Variants in ATP2A1 observed in about 807,000 individuals in gnomAD.
The protein encoded by ATP2A1 is ATPase sarcoplasmic/endoplasmic reticulum Ca2+ transporting 1.
ATP2A1 carries 83 observed loss-of-function variants against 109.5 expected under a neutral mutation model. That is an observed-to-expected ratio of 0.76 (90% confidence interval 0.63 to 0.91). The LOEUF is 0.91. ATP2A1 is among the 40% of genes least tolerant of loss of function. The pLI is 0.00. For synonymous variants in ATP2A1, 505 were observed against 537.6 expected, an observed-to-expected ratio of 0.94 and a Z score of 0.84; for missense variants, 1,101 against 1,341.0, an observed-to-expected ratio of 0.82 and a Z score of 2.80.
chr16:28,886,131 G>A (rs8056890), intron 6 of ATP2A1, among the ~76,000 whole-genome samples: 47,650 of 151,556 alleles, frequency 0.31, 8,048 homozygotes, highest in Admixed American at 0.39. Flanking sequence ...TGATTACCAC[G>A]GCAGTCCAGC....
chr16:28,900,492 T>A, intron 14 of ATP2A1, 89 bp from the exon 15 acceptor site: 1 of 1,219,766 alleles, frequency 8.2e-7, no homozygotes, highest in Non-Finnish European at 1.1e-6. Context: ...TTCCTGACCT[T>A]TCACCCCATC....
intron 9 of ATP2A1, among the ~76,000 whole-genome samples, chr16:28,890,601 G>A (rs1488276726): frequency 2.6e-5 from 4 of 152,044 alleles, no homozygotes; most frequent in Non-Finnish European, 5.9e-5. Context: ...ACTAGCCTGG[G>A]CAACACAGTG....
Position 28,902,094 on chromosome 16 carries a change from G to C in ATP2A1, c.2321+11G>C, listed in dbSNP as rs1964092991. 6.2e-7 allele frequency: 1 copy of C among 1,614,216 alleles called. No homozygotes were observed. Among genetic ancestry groups the C allele is most frequent in the Non-Finnish European group, 8.5e-7 (1 of 1,180,012 alleles). ...GGGCGAGGTGGTCTGGTGAGCAGCT[G>C]GGTGGGCGTCCAGGAGGAAGCCGGG... On this transcript the variant is annotated intron_variant, in intron 16 of 22. Transcript: ENST00000395503. This position sits in a 1 kb window ranked among gnomAD's most constrained non-coding sequence, Gnocchi z 4.8.
chr16:28,879,423 C>G, intron 2 of ATP2A1, 78 bp from the exon 3 acceptor site: 1 of 1,352,792 alleles, frequency 7.4e-7, no homozygotes, highest in African/African-American at 1.4e-5. Context: ...CACTGCAGGC[C>G]GGAGTCCAGG....
intron 9 of ATP2A1, among the ~76,000 whole-genome samples, chr16:28,890,487 C>CA (rs1963738177): frequency 6.7e-6 from 1 of 150,088 alleles, no homozygotes; most frequent in Non-Finnish European, 1.5e-5. Context: ...GTCTCACGCA[C>CA]AAAAAAATAA....
intron 5 of ATP2A1, 107 bp from the exon 6 acceptor site, chr16:28,884,468 C>T (rs1447874081): frequency 1.4e-5 from 16 of 1,120,678 alleles, no homozygotes. Flanking sequence ...CTCCCTGAGA[C>T]CTGAAGGATG....
chr16:28,890,098 C>T (rs1177595269), intron 9 of ATP2A1, among the ~76,000 whole-genome samples: 3 of 151,852 alleles, frequency 2.0e-5, no homozygotes, highest in African/African-American at 7.3e-5. Flanking sequence ...GCCGAGATCG[C>T]GCCACTGCAC....
In ATP2A1 at chr16:28,900,757, G is replaced by A. The variant is rs886051880; in HGVS notation, c.1941G>A (p.Glu647=). The stretch of plus-strand genomic sequence containing the variant: ...TTGGCATCTTTGGGGAGAACGAGGA[G>A]GTGGCCGATCGCGCCTACACGGGCC... ...RRIGIFGENE[E]VADRAYTGRE... is the part of the protein sequence containing the mutation. Residue 647 remains glutamate, a synonymous_variant, in exon 15 of 23, where the codon GAG becomes GAA. Coordinates refer to ENST00000395503, the MANE Select transcript of ATP2A1 (RefSeq NM_004320.6). The A allele has an allele frequency of 3.1e-6, 5 of 1,614,246 alleles. No homozygotes were observed. Among genetic ancestry groups the A allele is most frequent in the Non-Finnish European group, 4.2e-6 (5 of 1,180,050 alleles).
Position 28,898,394 on chromosome 16 carries a change from C to G in ATP2A1, c.1707C>G (p.Thr569=), listed in dbSNP as rs2152211818. The change falls in exon 14 of 23, where the codon ACC becomes ACG. Residue 569 remains threonine, a synonymous_variant. Coordinates refer to ENST00000395503, the MANE Select transcript of ATP2A1 (RefSeq NM_004320.6). This position sits in a 1 kb window ranked among gnomAD's most constrained non-coding sequence, Gnocchi z 4.0. ...GCTTGGCCCTGGCCACCCGGGACAC[C>G]CCCCCGAAGCGAGAGGAAATGGTCC... is the stretch of plus-strand genomic sequence containing the variant. ...LRCLALATRD[T]PPKREEMVLD... 1.2e-6 allele frequency: 2 copies of G among 1,614,174 alleles called. No individual in the cohort carries two copies. Among genetic ancestry groups the G allele is most frequent in the Admixed American group, 3.3e-5 (2 of 60,018 alleles).
chr16:28,898,115 T>C lies in ATP2A1; in HGVS notation c.1535T>C (p.Met512Thr). The part of the protein sequence containing the change: ...KSSRAAVGNK[M>T]FVKGAPEGVI... ...TCCCGGGCTGCTGTGGGCAACAAGA[T>C]GTTTGTCAAGGTCAGAAATCGGAAT... Residue 512 changes from methionine to threonine, a missense_variant, in exon 13 of 23, where the codon ATG becomes ACG. By Grantham distance (81) the Met-to-Thr change is moderately conservative. Coordinates refer to ENST00000395503, the MANE Select transcript of ATP2A1 (RefSeq NM_004320.6). This position sits in a 1 kb window ranked among gnomAD's most constrained non-coding sequence, Gnocchi z 4.0. 2 of 1,614,138 alleles carry C rather than the reference T, an allele frequency of 1.2e-6. No individual in the cohort carries two copies. Among genetic ancestry groups the C allele is most frequent in the Non-Finnish European group, 1.7e-6 (2 of 1,180,028 alleles).
At chr16:28,893,637 G>A (rs1337014600) in intron 9 of ATP2A1, among the ~76,000 whole-genome samples, 7 of 142,674 alleles carry the variant, frequency 4.9e-5, no homozygotes, top group South Asian at 2.3e-4. Context: ...GCGGTCACTC[G>A]TTTGTGGGTT....
intron 10 of ATP2A1, 114 bp downstream of exon 10, chr16:28,894,357 A>G: frequency 8.4e-6 from 11 of 1,307,132 alleles, no homozygotes; most frequent in Non-Finnish European, 1.2e-5. Flanking sequence ...TTCCTCCCCG[A>G]CCTTGTTCTC....
rs1480050249 is a variant in ATP2A1, at chr16:28,887,548, A to C, written c.754A>C (p.Lys252Gln). The C allele has an allele frequency of 6.2e-7, 1 of 1,613,694 alleles. No individual in the cohort carries two copies. The highest frequency in any genetic ancestry group is 1.3e-5 in the African/African-American group (1 of 74,816). Residue 252 changes from lysine to glutamine, a missense_variant, in exon 8 of 23, where the codon AAG (lysine) becomes CAG (glutamine). Lys to Gln is a moderately conservative substitution (Grantham distance 53). Coordinates refer to ENST00000395503, the MANE Select transcript of ATP2A1 (RefSeq NM_004320.6). Reference sequence around the variant, plus strand: ...ACAGGACAAGACCCCCTTGCAGCAGAAGCTGGATGAGTTTGGGGAGCAGCT... The same window carrying C: ...ACAGGACAAGACCCCCTTGCAGCAGCAGCTGGATGAGTTTGGGGAGCAGCT... Reference protein sequence around the residue: ...TEQDKTPLQQKLDEFGEQLSK... With the variant: ...TEQDKTPLQQQLDEFGEQLSK...
chr16:28,888,723 C>T, intron 8 of ATP2A1, 64 bp from the exon 9 acceptor site: 1 of 1,575,738 alleles, frequency 6.3e-7, no homozygotes, highest in Non-Finnish European at 8.7e-7. Context: ...CTATTTAGCC[C>T]CTTGCAGGTT....
chr16:28,886,502 C>T (rs1963616791), intron 6 of ATP2A1, among the ~76,000 whole-genome samples: 1 of 152,120 alleles, frequency 6.6e-6, no homozygotes, highest in African/African-American at 2.4e-5. Context: ...GTGTAGGTCC[C>T]CCTTCCTCCC....
At chr16:28,891,052 T>C (rs1963756101) in intron 9 of ATP2A1, among the ~76,000 whole-genome samples, 1 of 152,072 alleles carries the variant, frequency 6.6e-6, no homozygotes, top group East Asian at 1.9e-4. Context: ...TCTCAGCACT[T>C]TGGGAGACCG....
Position 28,902,578 on chromosome 16 carries a change from A to G in ATP2A1, c.2525-2A>G. 2 of 1,613,390 alleles carry G rather than the reference A, an allele frequency of 1.2e-6. No homozygotes were observed. The highest frequency in any genetic ancestry group is 8.5e-7 in the Non-Finnish European group (1 of 1,179,764). On this transcript the variant is annotated splice_acceptor_variant, in intron 17 of 22. Coordinates refer to ENST00000395503, the MANE Select transcript of ATP2A1 (RefSeq NM_004320.6). LOFTEE classifies it high-confidence loss of function. This position sits in a 1 kb window ranked among gnomAD's most constrained non-coding sequence, Gnocchi z 4.8. ...CCCCCGACTCCCCTCTCTCCACCAC[A>G]GGCTATGTGGGTGCAGCCACCGTGG... is the stretch of plus-strand genomic sequence containing the variant.
Position 28,883,367 on chromosome 16 carries a change from G to C in ATP2A1, c.463+778G>C, listed in dbSNP as rs1395134497. ...CTGAAGACCCCAGCGCCCCATCACA[G>C]GGCAGCCTTGCCGCCGTGACAGCAT... On this transcript the variant is annotated intron_variant, in intron 5 of 22. Coordinates refer to ENST00000395503, the MANE Select transcript of ATP2A1 (RefSeq NM_004320.6). This position sits in a 1 kb window ranked among gnomAD's most constrained non-coding sequence, Gnocchi z 5.2. Among the ~76,000 whole-genome samples the C allele has an allele frequency of 6.6e-6, 1 of 152,188 alleles. No homozygotes were observed. Among genetic ancestry groups the C allele is most frequent in the African/African-American group, 2.4e-5 (1 of 41,450 alleles).
chr16:28,901,809 A>G, intron 15 of ATP2A1, 54 bp from the exon 16 acceptor site: 1 of 1,485,282 alleles, frequency 6.7e-7, no homozygotes, highest in Non-Finnish European at 9.3e-7. Flanking sequence ...AACCTTTTTT[A>G]AAAAGGAGGG....
Sources: gnomAD v4.1 joint callset for allele counts (sites outside exome capture counted in the v4.1 genomes callset) on GRCh38, gnomAD v4.1.1 for gene constraint, Gnocchi (gnomAD v3.1) non-coding constraint, MANE v1.5 for transcripts, NCBI Gene and HGNC (gene_info 2026-07-23, HGNC 2026-07-21) for gene names.